Variants in UBE3C observed in about 807,000 individuals in gnomAD.
The protein encoded by UBE3C is ubiquitin-protein ligase E3C.
In UBE3C, 42 loss-of-function variants were observed where a neutral mutation model predicts 129.4. The ratio of observed to expected loss-of-function variants is 0.32; its 90% CI spans 0.25 to 0.42. The LOEUF is 0.42. Among genes scored for constraint, UBE3C ranks in the 10% least tolerant of loss-of-function variants. The pLI, the probability that UBE3C is intolerant of heterozygous loss-of-function variation, is 1.00. For missense variants in UBE3C, 1,049 were observed against 1,319.1 expected (o/e 0.80, Z 3.17); for synonymous variants, 510 against 492.4 (o/e 1.04, Z -0.47).
At chr7:157,140,021 A>G (rs1807393776) in intron 1 of UBE3C, 1 of 985,242 alleles carries the variant, frequency 1.0e-6, no homozygotes. Context: ...TTCGCATGGT[A>G]ATTGTTTAGG....
At chr7:157,163,625 C>T (rs756952754) in intron 1 of UBE3C, among the ~76,000 whole-genome samples, 185 bp from the exon 2 acceptor site, 2 of 152,176 alleles carry the variant, frequency 1.3e-5, no homozygotes, top group Non-Finnish European at 2.9e-5. Flanking sequence ...TGTATTATAT[C>T]TAGTGACCTC....
At chr7:157,199,908 A>G (rs578066758) in intron 10 of UBE3C, among the ~76,000 whole-genome samples, 6 of 152,072 alleles carry the variant, frequency 3.9e-5, no homozygotes, top group African/African-American at 1.2e-4. Context: ...TTAAATATTT[A>G]TTATTAAGTA....
At position 157,170,417 on chromosome 7, in the gene UBE3C, T is replaced by G. The variant is rs1161317375; in HGVS notation, c.309T>G (p.Phe103Leu). The G allele has an allele frequency of 6.4e-7, 1 of 1,562,674 alleles. No homozygotes were observed. The highest frequency in any genetic ancestry group is 2.0e-5 in the Admixed American group (1 of 48,914). ...CCCTTTTGGTAAGGCAGCTTCTGTT[T>G]TTTTACAAACAAAATGAAGACTCAA... ...NLTLLVRQLLFFYKQNEDSKR... is the reference protein window; with the variant it reads ...NLTLLVRQLLLFYKQNEDSKR... The change falls in exon 4 of 23, where the codon TTT (phenylalanine) becomes TTG (leucine). Residue 103 changes from phenylalanine to leucine, a missense_variant. Phe to Leu is a conservative substitution (Grantham distance 22). Around this residue, in one of 4 missense-constraint regions of UBE3C, gnomAD observed 489 missense variants for 513.8 expected, o/e 0.95. Transcript: ENST00000348165.
intron 9 of UBE3C, 23 bp downstream of exon 9, chr7:157,184,052 G>C (rs766896010): frequency 1.9e-6 from 3 of 1,608,182 alleles, no homozygotes; most frequent in Non-Finnish European, 2.6e-6. Flanking sequence ...CCCTGCATCT[G>C]GGGGGCTGCG....
intron 10 of UBE3C, among the ~76,000 whole-genome samples, chr7:157,195,569 A>G (rs1809095728): frequency 6.6e-6 from 1 of 152,162 alleles, no homozygotes; most frequent in African/African-American, 2.4e-5. Flanking sequence ...TTGAACAGGA[A>G]TGTGTATAGC....
chr7:157,230,096 A>G (rs1795982573), intron 17 of UBE3C, among the ~76,000 whole-genome samples: 1 of 151,064 alleles, frequency 6.6e-6, no homozygotes, highest in African/African-American at 2.4e-5. Flanking sequence ...TTTAGTAGGG[A>G]TGGGGTTTCA....
intron 18 of UBE3C, among the ~76,000 whole-genome samples, chr7:157,242,805 C>T (rs1026485958): frequency 1.3e-5 from 2 of 151,966 alleles, no homozygotes; most frequent in African/African-American, 2.4e-5. Flanking sequence ...GCCTGTAATC[C>T]CAGCACTTTG....
chr7:157,141,898 C>CTGGTGTAAGAAAACCT (rs2116777365), intron 1 of UBE3C, among the ~76,000 whole-genome samples: 1 of 152,310 alleles, frequency 6.6e-6, no homozygotes, highest in East Asian at 1.9e-4. Flanking sequence ...TCTTACAGAC[C>CTGGTGTAAGAAAACCT]TTTGCTGTGT....
intron 18 of UBE3C, among the ~76,000 whole-genome samples, chr7:157,233,461 G>A (rs28761283): frequency 0.1 from 15,488 of 151,894 alleles, 897 homozygotes; most frequent in African/African-American, 0.14. Context: ...TCATTTTATC[G>A]TAGAGGCAGG....
At chr7:157,157,985 TATAGAGAG>T (rs1807960797) in intron 1 of UBE3C, among the ~76,000 whole-genome samples, 1 of 134,636 alleles carries the variant, frequency 7.4e-6, no homozygotes, top group Non-Finnish European at 1.6e-5. Context: ...TATATATATA[TATAGAGAG>T]AGAGAGAGAG....
intron 15 of UBE3C, chr7:157,222,639 T>C (rs1037476343): frequency 6.6e-6 from 1 of 152,244 alleles, no homozygotes; most frequent in Non-Finnish European, 1.5e-5. Context: ...ATGCTCAGTT[T>C]CTCAAACTCC....
chr7:157,147,462 T>A (rs1807637815), intron 1 of UBE3C, among the ~76,000 whole-genome samples: 1 of 152,226 alleles, frequency 6.6e-6, no homozygotes, highest in Non-Finnish European at 1.5e-5. Flanking sequence ...GATAATCATT[T>A]CATTTGCAAC....
chr7:157,152,453 C>T (rs903695363), intron 1 of UBE3C, among the ~76,000 whole-genome samples: 1 of 152,190 alleles, frequency 6.6e-6, no homozygotes, highest in Non-Finnish European at 1.5e-5. Flanking sequence ...GCCTGAAGAG[C>T]AATGAGGGCC....
chr7:157,170,981 A>AT (rs546962284), intron 4 of UBE3C, among the ~76,000 whole-genome samples: 1,506 of 147,192 alleles, frequency 0.01, 17 homozygotes, highest in African/African-American at 0.034. Context: ...GTTAAGGCTA[A>AT]TTTTTTTTTT....
chr7:157,178,100 G>A (rs973133349), intron 5 of UBE3C, among the ~76,000 whole-genome samples: 7 of 152,008 alleles, frequency 4.6e-5, no homozygotes, highest in South Asian at 4.1e-4. Context: ...AGAAACTTTC[G>A]GGAGTGGCAG....
intron 19 of UBE3C, among the ~76,000 whole-genome samples, chr7:157,252,666 T>C (rs549335834): frequency 1.3e-5 from 2 of 152,350 alleles, no homozygotes; most frequent in Admixed American, 6.5e-5. Context: ...ACAATCTTTC[T>C]GTAAATGGTA....
rs142292306 is a variant in UBE3C, at chr7:157,267,728, A to G, written c.3225A>G (p.Glu1075=). ...LLRSKLLYAI[E]CAAGFELS is the part of the protein sequence containing the mutation. ...GAAGTAAACTTCTCTATGCGATTGA[A>G]TGTGCCGCTGGCTTTGAGCTGAGCT... Residue 1075 remains glutamate, a synonymous_variant, in exon 23 of 23, where the codon GAA becomes GAG. Transcript: ENST00000348165. The G allele has an allele frequency of 7.2e-5, 116 of 1,610,716 alleles. No individual in the cohort carries two copies. In the African/African-American group the frequency reaches 1.2e-3, roughly 17 times the overall value.
intron 5 of UBE3C, among the ~76,000 whole-genome samples, chr7:157,176,516 C>T (rs1156259360): frequency 1.3e-5 from 2 of 152,236 alleles, no homozygotes; most frequent in Non-Finnish European, 2.9e-5. Context: ...CTCAGGTCAT[C>T]CGCCTGCCTT....
At chr7:157,226,042 TATTA>T (rs1177479965) in intron 17 of UBE3C, among the ~76,000 whole-genome samples, 1 of 152,110 alleles carries the variant, frequency 6.6e-6, no homozygotes, top group Non-Finnish European at 1.5e-5. Context: ...CTTTAAAAAA[TATTA>T]ATTATTTTTA....
Sources: gnomAD v4.1 joint callset for allele counts (sites outside exome capture counted in the v4.1 genomes callset) on GRCh38, gnomAD v4.1.1 for gene constraint, gnomAD v4.1.1 regional missense constraint, MANE v1.5 for transcripts, NCBI Gene and HGNC (gene_info 2026-07-23, HGNC 2026-07-21) for gene names.